PTGFRN: variants seen among roughly 807,000 people sequenced by gnomAD.
The protein encoded by PTGFRN is prostaglandin F2 receptor negative regulator.
Under a neutral mutation model 83.2 loss-of-function variants are expected in PTGFRN, and 35 were observed. That is an observed-to-expected ratio of 0.42 (90% CI 0.32 to 0.56). The LOEUF is 0.56. Ranked by LOEUF, PTGFRN falls within the 20% of genes least tolerant of loss-of-function variation. The probability of loss-of-function intolerance (pLI) is 0.11; values close to 1 mark genes in which losing one functional copy is unlikely to be tolerated. For missense variants in PTGFRN, 1,051 were observed against 1,179.5 expected (o/e 0.89, Z 1.60); for synonymous variants, 519 against 498.6 (o/e 1.04, Z -0.55).
At chr1:116,914,443 G>A (rs1225140379) in intron 1 of PTGFRN, among the ~76,000 whole-genome samples, 2 of 152,154 alleles carry the variant, frequency 1.3e-5, no homozygotes, top group African/African-American at 4.8e-5. Context: ...TACTTACAAA[G>A]GATATAAGGT....
intron 3 of PTGFRN, among the ~76,000 whole-genome samples, chr1:116,947,379 G>A (rs1650227593): frequency 6.6e-6 from 1 of 152,154 alleles, no homozygotes; most frequent in Non-Finnish European, 1.5e-5. Flanking sequence ...TTTGCCTGAG[G>A]TCCCTTCTTT....
In PTGFRN at chr1:116,961,507, A is replaced by T. The variant is rs185563430; in HGVS notation, c.1478A>T (p.Glu493Val). ...AQDGDFIFSK[E>V]HTDTFNFRIQ... ...GATGGAGACTTTATTTTTTCTAAGG[A>T]ACATACAGACACGTTCAATTTCCGG... Residue 493 changes from glutamate to valine, a missense_variant, in exon 5 of 9, where the codon GAA becomes GTA. Glu to Val is a moderately radical substitution (Grantham distance 121). Coordinates refer to ENST00000393203, the MANE Select transcript of PTGFRN (RefSeq NM_020440.4). The surrounding 1 kb of genome is among the most constrained non-coding windows in gnomAD (Gnocchi z 5.4). The T allele has an allele frequency of 7.3e-4, 1,180 of 1,614,138 alleles. 6 individuals are homozygous for T. The highest frequency in any genetic ancestry group is 2.2e-3 in the Admixed American group (134 of 60,020).
Position 116,910,199 on chromosome 1 carries a change from C to A in PTGFRN, c.-5C>A. The A allele has an allele frequency of 6.7e-7, 1 of 1,483,990 alleles. No homozygotes were observed. The highest frequency in any genetic ancestry group is 8.9e-7 in the Non-Finnish European group (1 of 1,123,050). 91.9% of individuals were successfully genotyped at this position (1,483,990 alleles called of 1,614,324 possible). On this transcript the variant is annotated 5_prime_UTR_variant, in exon 1 of 9. Coordinates refer to ENST00000393203, the MANE Select transcript of PTGFRN (RefSeq NM_020440.4). The stretch of plus-strand genomic sequence containing the variant: ...GAGGGGGAGAGTCGCTCCCGCCGGG[C>A]GAGCATGGGGCGCCTGGCCTCGAGG...
At chr1:116,971,022 A>G (rs1214351931) in intron 6 of PTGFRN, among the ~76,000 whole-genome samples, 2 of 152,218 alleles carry the variant, frequency 1.3e-5, no homozygotes, top group Non-Finnish European at 2.9e-5. Context: ...AATATATAGA[A>G]AATTTGAAAA....
chr1:116,960,692 T>TGAGGACAG (rs1557743754), intron 4 of PTGFRN, among the ~76,000 whole-genome samples: 8 of 152,182 alleles, frequency 5.3e-5, no homozygotes, highest in Non-Finnish European at 1.0e-4. Context: ...AGTGAGGACA[T>TGAGGACAG]AAATATGTAG....
rs1651506580 is a variant in PTGFRN, at chr1:116,986,884, T to A, written c.2557T>A (p.Cys853Ser). ...IGLLSCLIGYCSSHWCCKKEV... is the reference protein window; with the variant it reads ...IGLLSCLIGYSSSHWCCKKEV... ...GCTCCTGTCCTGTCTCATCGGGTAC[T>A]GCAGCTCCCACTGGTGTTGTAAGAA... is the stretch of plus-strand genomic sequence containing the variant. Residue 853 changes from cysteine (C) to serine (S), a missense_variant, in exon 9 of 9, where the codon TGC becomes AGC. Coordinates refer to ENST00000393203, the MANE Select transcript of PTGFRN (RefSeq NM_020440.4). 6.2e-7 allele frequency: 1 copy of A among 1,614,248 alleles called. No individual in the cohort carries two copies. The highest frequency in any genetic ancestry group is 8.5e-7 in the Non-Finnish European group (1 of 1,180,040).
intron 1 of PTGFRN, among the ~76,000 whole-genome samples, chr1:116,919,694 A>G (rs1426710105): frequency 6.6e-6 from 1 of 152,232 alleles, no homozygotes; most frequent in Non-Finnish European, 1.5e-5. Flanking sequence ...CTTGGGATTC[A>G]AACCCAGGTA....
intron 7 of PTGFRN, among the ~76,000 whole-genome samples, chr1:116,984,316 G>A (rs369671256): frequency 6.6e-6 from 1 of 151,966 alleles, no homozygotes; most frequent in Non-Finnish European, 1.5e-5. Flanking sequence ...ACCAGCTTTC[G>A]GATCAGTGTT....
chr1:116,942,296 C>T (rs1483688339), intron 2 of PTGFRN, among the ~76,000 whole-genome samples: 1 of 152,170 alleles, frequency 6.6e-6, no homozygotes, highest in African/African-American at 2.4e-5. Context: ...CCTCAGAGGG[C>T]CCTTTCTCTT....
chr1:116,910,216 G>C lies in PTGFRN; in HGVS notation c.13G>C (p.Ala5Pro). ...CCGCCGGGCGAGCATGGGGCGCCTGGCCTCGAGGCCGCTGCTGCTGGCGCT... is the reference window on the plus strand; with the variant it reads ...CCGCCGGGCGAGCATGGGGCGCCTGCCCTCGAGGCCGCTGCTGCTGGCGCT... MGRL[A>P]SRPLLLALLS... The change falls in exon 1 of 9, where the codon GCC becomes CCC. Residue 5 changes from alanine (A) to proline (P), a missense_variant. Physicochemically the swap from Ala to Pro is conservative, Grantham distance 27 (BLOSUM62 -1). Transcript: ENST00000393203. 6.8e-7 allele frequency: 1 copy of C among 1,462,424 alleles called. No homozygotes were observed. The highest frequency in any genetic ancestry group is 9.0e-7 in the Non-Finnish European group (1 of 1,113,998). 90.6% of individuals were successfully genotyped at this position (1,462,424 alleles called of 1,614,324 possible). A position where few individuals can be genotyped will look rare whatever the true frequency, so the allele number is the denominator to read the frequency against.
chr1:116,979,807 A>G (rs998215662), intron 7 of PTGFRN, among the ~76,000 whole-genome samples: 3 of 152,246 alleles, frequency 2.0e-5, no homozygotes, highest in Non-Finnish European at 4.4e-5. Flanking sequence ...GGACATAGGC[A>G]TGGGCTAGGA....
chr1:116,980,900 C>T (rs1651300684), intron 7 of PTGFRN, among the ~76,000 whole-genome samples: 1 of 152,060 alleles, frequency 6.6e-6, no homozygotes, highest in East Asian at 1.9e-4. Flanking sequence ...AGCTTGGCAA[C>T]CTAGATGAGG....
At chr1:116,980,257 C>T (rs2101089858) in intron 7 of PTGFRN, among the ~76,000 whole-genome samples, 1 of 152,330 alleles carries the variant, frequency 6.6e-6, no homozygotes, top group East Asian at 1.9e-4. Flanking sequence ...CACTTTTACA[C>T]TGTTGGTGAG....
chr1:116,916,375 G>A (rs1005184587), intron 1 of PTGFRN, among the ~76,000 whole-genome samples: 3 of 152,166 alleles, frequency 2.0e-5, no homozygotes, highest in South Asian at 4.1e-4. Flanking sequence ...TGCTACCTTG[G>A]AATCCTAATG....
chr1:116,965,315 TGCTCTCTCACCCAG>T (rs1191111590), intron 5 of PTGFRN, among the ~76,000 whole-genome samples: 11 of 152,146 alleles, frequency 7.2e-5, no homozygotes, highest in East Asian at 1.9e-4. Flanking sequence ...ATCACAGTCT[TGCTCTCTCACCCAG>T]GCTCTCTCAC....
chr1:116,955,323 T>C (rs1023712880), intron 4 of PTGFRN, among the ~76,000 whole-genome samples: 2 of 152,222 alleles, frequency 1.3e-5, no homozygotes, highest in Non-Finnish European at 2.9e-5. Context: ...GGGCTTACAG[T>C]GTGTGTTGTT....
chr1:116,910,507 A>G (rs1268665691), intron 1 of PTGFRN, among the ~76,000 whole-genome samples: 2 of 151,794 alleles, frequency 1.3e-5, no homozygotes, highest in Admixed American at 6.5e-5. Flanking sequence ...CTCGCCCCCA[A>G]CATGTGCCGG....
At chr1:116,919,369 A>G (rs916210796) in intron 1 of PTGFRN, among the ~76,000 whole-genome samples, 2 of 152,058 alleles carry the variant, frequency 1.3e-5, no homozygotes, top group Admixed American at 6.6e-5. Context: ...TTTTTGTAGC[A>G]TTTATTTTGT....
chr1:116,965,703 G>A (rs991801947), intron 5 of PTGFRN, among the ~76,000 whole-genome samples: 4 of 152,072 alleles, frequency 2.6e-5, no homozygotes, highest in Non-Finnish European at 5.9e-5. Context: ...TTCCTTGGCT[G>A]CTTATTATCT....
Sources: gnomAD v4.1 joint callset for allele counts (sites outside exome capture counted in the v4.1 genomes callset) on GRCh38, gnomAD v4.1.1 for gene constraint, Gnocchi (gnomAD v3.1) non-coding constraint, MANE v1.5 for transcripts, NCBI Gene and HGNC (gene_info 2026-07-23, HGNC 2026-07-21) for gene names.